DNAH5: variants seen among roughly 807,000 people sequenced by gnomAD.
DNAH5 encodes dynein axonemal heavy chain 5.
Under a neutral mutation model 518.2 loss-of-function variants are expected in DNAH5, and 372 were observed. The observed-to-expected ratio is 0.72, with a 90% confidence interval of 0.66 to 0.78. DNAH5 has a LOEUF of 0.78. DNAH5 is among the 30% of genes least tolerant of loss of function. The pLI, the probability that DNAH5 is intolerant of heterozygous loss-of-function variation, is 0.00. For synonymous variants in DNAH5, 2,039 were observed against 2,025.9 expected (o/e 1.01, Z -0.17); for missense variants, 5,523 against 5,687.0 (o/e 0.97, Z 0.93).
chr5:13,890,254 AAAATT>A (rs1773015002), intron 17 of DNAH5, among the ~76,000 whole-genome samples: 1 of 152,030 alleles, frequency 6.6e-6, no homozygotes, highest in South Asian at 2.1e-4. Flanking sequence ...TAAAATACAA[AAAATT>A]AGGCAGGCGT....
intron 32 of DNAH5, 34 bp from the exon 33 acceptor site, chr5:13,841,938 G>C: frequency 1.2e-6 from 1 of 842,042 alleles, no homozygotes; most frequent in Non-Finnish European, 1.8e-6. Context: ...AAAAAAAAAA[G>C]CTATAGTCAT....
chr5:13,793,897 C>T (rs777287115), intron 48 of DNAH5, 39 bp downstream of exon 48: 4 of 1,610,072 alleles, frequency 2.5e-6, no homozygotes, highest in Admixed American at 3.3e-5. Context: ...AAATCAATAC[C>T]AAATTAAAGA....
At chr5:13,825,381 A>G (rs2151826400) in intron 38 of DNAH5, among the ~76,000 whole-genome samples, 1 of 151,840 alleles carries the variant, frequency 6.6e-6, no homozygotes, top group Non-Finnish European at 1.5e-5. Context: ...AAATAATAAA[A>G]GCATGGTCTC....
intron 1 of DNAH5, among the ~76,000 whole-genome samples, chr5:13,940,649 T>C (rs898709189): frequency 6.6e-6 from 1 of 152,120 alleles, no homozygotes; most frequent in Non-Finnish European, 1.5e-5. Flanking sequence ...GATTCTAATG[T>C]ACAGCCCAGC....
chr5:13,871,461 T>C, intron 23 of DNAH5, 103 bp downstream of exon 23: 1 of 1,054,734 alleles, frequency 9.5e-7, no homozygotes, highest in Non-Finnish European at 1.4e-6. Context: ...GCCCATAAAG[T>C]CAATCTTTAA....
At chr5:13,885,818 G>A (rs894115532) in intron 18 of DNAH5, 146 bp downstream of exon 18, 1 of 794,410 alleles carries the variant, frequency 1.3e-6, no homozygotes. Flanking sequence ...TATGCTCAGG[G>A]CCATAATTTC....
rs376507271 is a variant in DNAH5 at position 13,810,675 on chromosome 5, A to G, written c.7408-415T>C. 9.9e-5 allele frequency among the ~76,000 whole-genome samples: 15 copies of G among 151,958 alleles called. No individual in the cohort carries two copies. In the South Asian group the frequency reaches 1.7e-3, roughly 17 times the overall value. ...AGGCTGAGGCAGGAGAATGGCGTGA[A>G]CTTGGGAGGCGGAGCTTGCAGTGAG... On this transcript the variant is annotated intron_variant, in intron 44 of 78. Transcript: ENST00000265104.
intron 19 of DNAH5, among the ~76,000 whole-genome samples, chr5:13,883,894 A>G: frequency 6.6e-6 from 1 of 152,310 alleles, no homozygotes; most frequent in South Asian, 2.1e-4. Context: ...ACTTTTATTT[A>G]CCCACTTTTA....
chr5:13,901,169 T>C, intron 14 of DNAH5, 83 bp downstream of exon 14: 1 of 1,469,948 alleles, frequency 6.8e-7, no homozygotes, highest in Non-Finnish European at 9.3e-7. Flanking sequence ...AATCCAGCTT[T>C]CTAAAGAAAT....
intron 22 of DNAH5, among the ~76,000 whole-genome samples, chr5:13,873,507 A>G (rs1222498769): frequency 6.6e-6 from 1 of 152,122 alleles, no homozygotes; most frequent in Non-Finnish European, 1.5e-5. Context: ...ATTGTATTCT[A>G]TGAAAAATTC....
In DNAH5 at chr5:13,793,824, T is replaced by A; in HGVS notation, c.8011-96A>T. On this transcript the variant is annotated intron_variant, in intron 48 of 78. Coordinates refer to ENST00000265104, the MANE Select transcript of DNAH5 (RefSeq NM_001369.3). ...TCCAAAGAAAGAACTTTACTGGAAT[T>A]CAGAAATTATATCTTGAAAAAGTAA... 2.6e-6 allele frequency: 4 copies of A among 1,557,658 alleles called. No individual in the cohort carries two copies. In the South Asian group the frequency reaches 4.7e-5, roughly 18 times the overall value.
At chr5:13,854,467 G>A (rs1469755865) in intron 30 of DNAH5, among the ~76,000 whole-genome samples, 1 of 152,062 alleles carries the variant, frequency 6.6e-6, no homozygotes, top group Non-Finnish European at 1.5e-5. Context: ...TCAACTAATG[G>A]ACAAAATAAC....
At position 13,870,825 on chromosome 5, in the gene DNAH5, G is replaced by A. The variant is rs532394572; in HGVS notation, c.3776C>T (p.Ala1259Val). 5.4e-5 allele frequency: 87 copies of A among 1,613,724 alleles called. No individual in the cohort carries two copies. The highest frequency in any genetic ancestry group is 1.1e-4 in the East Asian group (5 of 44,858). The change falls in exon 24 of 79, where the codon GCG becomes GTG. Residue 1259 changes from alanine to valine, a missense_variant. Around this residue, in one of 3 missense-constraint regions of DNAH5, gnomAD observed 5,121 missense variants for 5,223.3 expected, o/e 0.98. Transcript: ENST00000265104. ...TTGCTCCTCCCTTATTTCTTTCAGC[G>A]CTGCCATTGCAATCCGAATATCATC... is the stretch of plus-strand genomic sequence containing the variant. ...DLDDIRIAMA[A>V]LKEIREEQIS...
At chr5:13,807,226 T>C (rs1265705959) in intron 47 of DNAH5, among the ~76,000 whole-genome samples, 1 of 151,730 alleles carries the variant, frequency 6.6e-6, no homozygotes, top group Non-Finnish European at 1.5e-5. Context: ...CCTAAAAGAG[T>C]ATTAGGAACA....
chr5:13,719,178 T>C lies in DNAH5; in HGVS notation c.12280-77A>G, dbSNP rs549224268. The C allele has an allele frequency of 5.2e-6, 6 of 1,155,854 alleles. No homozygotes were observed. In the Admixed American group the frequency reaches 1.2e-4, roughly 23 times the overall value. 71.6% of individuals were successfully genotyped at this position (1,155,854 alleles called of 1,614,324 possible). A position where few individuals can be genotyped will look rare whatever the true frequency, so the allele number is the denominator to read the frequency against. ...CTAAATTATTACATTCTTTAGAAAT[T>C]AAGTAATTAAAATTTAATAGGAAAA... On this transcript the variant is annotated intron_variant, in intron 71 of 78. Transcript: ENST00000265104.
chr5:13,954,590 T>C (rs1299484737), intron 1 of DNAH5, among the ~76,000 whole-genome samples: 4 of 152,230 alleles, frequency 2.6e-5, no homozygotes, highest in Non-Finnish European at 4.4e-5. Flanking sequence ...AACATGTTCC[T>C]GAGAGAGGTG....
At chr5:13,871,476 G>A (rs959918368) in intron 23 of DNAH5, 88 bp downstream of exon 23, 2 of 1,190,302 alleles carry the variant, frequency 1.7e-6, no homozygotes, top group South Asian at 1.3e-5. Context: ...CTTTAAGACA[G>A]GTAGAACTCT....
chr5:13,738,567 G>A (rs1227546747), intron 65 of DNAH5, among the ~76,000 whole-genome samples: 1 of 152,168 alleles, frequency 6.6e-6, no homozygotes, highest in African/African-American at 2.4e-5. Flanking sequence ...GTGAAGCCTT[G>A]GAAGACTATT....
At chr5:13,733,941 T>C (rs1285315743) in intron 68 of DNAH5, among the ~76,000 whole-genome samples, 1 of 152,134 alleles carries the variant, frequency 6.6e-6, no homozygotes, top group African/African-American at 2.4e-5. Context: ...TAGAAAGGTA[T>C]ACTAGATGAA....
Sources: allele counts gnomAD v4.1 joint callset (sites outside exome capture counted in the v4.1 genomes callset), GRCh38; gene constraint gnomAD v4.1.1; regional missense constraint gnomAD v4.1.1; transcripts MANE v1.5; gene names NCBI Gene and HGNC (gene_info 2026-07-23, HGNC 2026-07-21).